Variants in RTTN observed in about 807,000 individuals in gnomAD.
The protein encoded by RTTN is rotatin.
Under a neutral mutation model 269.2 loss-of-function variants are expected in RTTN, and 182 were observed. That is an observed-to-expected ratio of 0.68 (90% CI 0.60 to 0.76). RTTN has a LOEUF of 0.76. RTTN is among the 30% of genes least tolerant of loss of function. The pLI, the probability that RTTN is intolerant of heterozygous loss-of-function variation, is 0.00. For synonymous variants in RTTN, 1,006 were observed against 963.5 expected, an observed-to-expected ratio of 1.04 and a Z score of -0.82; for missense variants, 2,545 against 2,608.6, an observed-to-expected ratio of 0.98 and a Z score of 0.53.
In RTTN at chr18:70,168,943, G is replaced by T. The variant is rs1179640853; in HGVS notation, c.1601C>A (p.Ser534Tyr). 1.2e-6 allele frequency: 2 copies of T among 1,613,216 alleles called. No homozygotes were observed. The highest frequency in any genetic ancestry group is 8.5e-7 in the Non-Finnish European group (1 of 1,179,758). The change falls in exon 12 of 49, where the codon TCT (serine) becomes TAT (tyrosine). Residue 534 changes from serine (S) to tyrosine (Y), a missense_variant. Coordinates refer to ENST00000640769, the MANE Select transcript of RTTN (RefSeq NM_173630.4). ...TCGTTTATAAATACTGTAGTTTTCA[G>T]AATTCAGCTGTTCCAAATAGGCCAC... ...AVVAYLEQLNSENYSIYKRTA... is the reference protein window; with the variant it reads ...AVVAYLEQLNYENYSIYKRTA...
intron 39 of RTTN, among the ~76,000 whole-genome samples, chr18:70,049,478 T>C (rs1234683541): frequency 6.6e-6 from 1 of 152,138 alleles, no homozygotes; most frequent in Non-Finnish European, 1.5e-5. Flanking sequence ...TCCAGAAAAT[T>C]AACAATTCTG....
intron 32 of RTTN, among the ~76,000 whole-genome samples, chr18:70,078,942 G>A (rs2058494703): frequency 6.6e-6 from 1 of 152,122 alleles, no homozygotes; most frequent in Non-Finnish European, 1.5e-5. Flanking sequence ...GACAAAACCA[G>A]GAAGAGCAAG....
chr18:70,100,738 C>T (rs546076265), intron 28 of RTTN, among the ~76,000 whole-genome samples: 67 of 152,182 alleles, frequency 4.4e-4, no homozygotes, highest in Non-Finnish European at 6.3e-4. Flanking sequence ...CTTATTATTG[C>T]GAGATACGTC....
chr18:70,089,939 G>C (rs2058798898), intron 30 of RTTN, among the ~76,000 whole-genome samples: 1 of 152,158 alleles, frequency 6.6e-6, no homozygotes. Flanking sequence ...AACAAGATTT[G>C]AAAAATTCTC....
intron 11 of RTTN, among the ~76,000 whole-genome samples, chr18:70,174,343 A>G (rs1487597264): frequency 1.3e-5 from 2 of 152,112 alleles, no homozygotes; most frequent in African/African-American, 4.8e-5. Flanking sequence ...CCGGCCATAT[A>G]TTCTCACAAT....
chr18:70,155,127 C>T (rs2060640171), intron 14 of RTTN, among the ~76,000 whole-genome samples: 1 of 152,162 alleles, frequency 6.6e-6, no homozygotes, highest in Admixed American at 6.5e-5. Flanking sequence ...ACTTGCTACC[C>T]ACTATCTTCA....
rs780270096 is a variant in RTTN at position 70,028,797 on chromosome 18, T to C, written c.5750A>G (p.Asp1917Gly). The change falls in exon 43 of 49, where the codon GAT becomes GGT. Residue 1917 changes from aspartate to glycine, a missense_variant. Asp to Gly is a moderately conservative substitution (Grantham distance 94). Transcript: ENST00000640769. ...PGKAALKKKE[D>G]GVIKELSIAM... ...AATGCTTAACTCTTTAATAACACCA[T>C]CCTCCTATTTAAACAAAAAGCAGTT... is the stretch of plus-strand genomic sequence containing the variant. The C allele has an allele frequency of 4.4e-6, 7 of 1,608,384 alleles. No homozygotes were observed. The highest frequency in any genetic ancestry group is 6.0e-6 in the Non-Finnish European group (7 of 1,175,860).
intron 8 of RTTN, 134 bp downstream of exon 8, chr18:70,193,154 G>C (rs1246131454): frequency 6.3e-6 from 5 of 794,894 alleles, no homozygotes; most frequent in African/African-American, 3.8e-5. Flanking sequence ...TTAACACAAG[G>C]CCTATACCTG....
chr18:70,168,865 A>G lies in RTTN; in HGVS notation c.1679T>C (p.Ile560Thr), dbSNP rs981440917. The G allele has an allele frequency of 5.0e-6, 8 of 1,606,606 alleles. No individual in the cohort carries two copies. The highest frequency in any genetic ancestry group is 1.8e-4 in the Middle Eastern group (1 of 5,678). Reference protein sequence around the residue: ...IECTCNFLSDIGKEGEKNLLE... With the variant: ...IECTCNFLSDTGKEGEKNLLE... ...AAAAAAGCTTTTTACCTCTTTCCCAATATCAGACAGGAAGTTACAGGTGCA... is the reference window on the plus strand; with the variant it reads ...AAAAAAGCTTTTTACCTCTTTCCCAGTATCAGACAGGAAGTTACAGGTGCA... Residue 560 changes from isoleucine (I) to threonine (T), a missense_variant, in exon 12 of 49, where the codon ATT becomes ACT. By Grantham distance (89) the Ile-to-Thr change is moderately conservative (BLOSUM62 -1). Coordinates refer to ENST00000640769, the MANE Select transcript of RTTN (RefSeq NM_173630.4).
At chr18:70,075,160 C>A in intron 33 of RTTN, 192 bp downstream of exon 33, 1 of 444,070 alleles carries the variant, frequency 2.3e-6, no homozygotes. Context: ...AACATAATTA[C>A]ATAAAACAAA....
intron 27 of RTTN, among the ~76,000 whole-genome samples, chr18:70,112,620 T>C (rs894917912): frequency 2.6e-5 from 4 of 151,454 alleles, no homozygotes. Context: ...GAGCTAACTA[T>C]CCTAAATATA....
intron 28 of RTTN, among the ~76,000 whole-genome samples, chr18:70,098,248 A>G (rs2059057011): frequency 6.6e-6 from 1 of 152,184 alleles, no homozygotes; most frequent in African/African-American, 2.4e-5. Flanking sequence ...GCCTCCATCA[A>G]AAAGTTAGAA....
chr18:70,035,685 C>A (rs1043371018), intron 40 of RTTN, among the ~76,000 whole-genome samples: 21 of 152,078 alleles, frequency 1.4e-4, no homozygotes, highest in African/African-American at 5.1e-4. Flanking sequence ...AAAGCAACTG[C>A]AACAAAAGCA....
chr18:70,199,545 A>G (rs753709646), intron 4 of RTTN, 41 bp from the exon 5 acceptor site: 6 of 1,306,400 alleles, frequency 4.6e-6, no homozygotes, highest in East Asian at 2.3e-5. Flanking sequence ...CAAAGAATAA[A>G]GAGATGACAG....
intron 40 of RTTN, among the ~76,000 whole-genome samples, chr18:70,040,306 A>AC (rs2057302777): frequency 6.6e-6 from 1 of 151,646 alleles, no homozygotes; most frequent in South Asian, 2.1e-4. Flanking sequence ...AATGAAAACA[A>AC]AAAAAAAATT....
At chr18:70,204,732 G>C (rs1259432518) in intron 2 of RTTN, among the ~76,000 whole-genome samples, 2 of 152,134 alleles carry the variant, frequency 1.3e-5, no homozygotes, top group Non-Finnish European at 2.9e-5. Flanking sequence ...AAGCATATGG[G>C]CAAGCAACTT....
chr18:70,186,084 A>G (rs987910156), intron 10 of RTTN, among the ~76,000 whole-genome samples: 6 of 151,762 alleles, frequency 4.0e-5, no homozygotes, highest in Non-Finnish European at 7.4e-5. Context: ...CCCCCCCAAA[A>G]AAAAAAAAAA....
chr18:70,109,847 A>G (rs1234386255), intron 27 of RTTN, 130 bp from the exon 28 acceptor site: 7 of 667,154 alleles, frequency 1.0e-5, no homozygotes. Flanking sequence ...AAATGGCAGA[A>G]AATAGTCTCT....
chr18:70,042,428 T>C (rs1357408229), intron 40 of RTTN, among the ~76,000 whole-genome samples: 1 of 135,112 alleles, frequency 7.4e-6, no homozygotes, highest in Non-Finnish European at 1.5e-5. Flanking sequence ...CAGGATAGAG[T>C]GCAGTGGCGT....
Sources: gnomAD v4.1 joint callset for allele counts (sites outside exome capture counted in the v4.1 genomes callset) on GRCh38, gnomAD v4.1.1 for gene constraint, MANE v1.5 for transcripts, NCBI Gene and HGNC (gene_info 2026-07-23, HGNC 2026-07-21) for gene names.